Variants in CCDC85A observed in about 807,000 individuals in gnomAD.
CCDC85A encodes coiled-coil domain-containing protein 85A.
Under a neutral mutation model 50.2 loss-of-function variants are expected in CCDC85A, and 38 were observed. That is an observed-to-expected ratio of 0.76 (90% confidence interval 0.58 to 0.99). The LOEUF (loss-of-function observed/expected upper bound fraction) is 0.99, where lower values mean the gene tolerates loss of function less well. CCDC85A is among the 50% of genes least tolerant of loss of function. The probability of loss-of-function intolerance (pLI) is 0.00; values close to 1 mark genes in which losing one functional copy is unlikely to be tolerated. For missense variants in CCDC85A, 820 were observed against 742.0 expected (o/e 1.11, Z -1.22); for synonymous variants, 366 against 301.4 (o/e 1.21, Z -2.22).
At position 56,299,794 on chromosome 2, in the gene CCDC85A, C is replaced by G. The variant is rs142280037; in HGVS notation, c.1241-43085C>G. On this transcript the variant is annotated intron_variant, in intron 2 of 5. Coordinates refer to ENST00000407595, the MANE Select transcript of CCDC85A (RefSeq NM_001080433.2). ...CTAAAGTAATATTACCCATGATTCC[C>G]TGCCACTGTCCTCAGGAAATCAGCT... is the stretch of plus-strand genomic sequence containing the variant. 2.7e-3 allele frequency among the ~76,000 whole-genome samples: 418 copies of G among 152,282 alleles called. 5 individuals carry two copies. The highest frequency in any genetic ancestry group is 9.5e-3 in the African/African-American group (394 of 41,562).
At chr2:56,342,597 G>T (rs1382725748) in intron 2 of CCDC85A, among the ~76,000 whole-genome samples, 1 of 152,130 alleles carries the variant, frequency 6.6e-6, no homozygotes, top group Non-Finnish European at 1.5e-5. Flanking sequence ...TAAGAGTTCT[G>T]TATAGAATCT....
At chr2:56,241,930 A>G (rs868389365) in intron 2 of CCDC85A, among the ~76,000 whole-genome samples, 2 of 152,144 alleles carry the variant, frequency 1.3e-5, no homozygotes, top group South Asian at 2.1e-4. Flanking sequence ...GTTTGAACTA[A>G]TTTACATTCC....
intron 2 of CCDC85A, among the ~76,000 whole-genome samples, chr2:56,248,812 G>A (rs1052087604): frequency 4.6e-5 from 7 of 152,190 alleles, no homozygotes; most frequent in Non-Finnish European, 1.0e-4. Flanking sequence ...CTCATGGTGA[G>A]GAAGCCTGAA....
Position 56,248,705 on chromosome 2 carries a change from A to C in CCDC85A, c.1240+55265A>C, listed in dbSNP as rs574419064. On this transcript the variant is annotated intron_variant, in intron 2 of 5. Transcript: ENST00000407595. ...TAACAGTGGAGACAATAGTAAGTTC[A>C]TTTTTATCAAGCACTTTACGTGGCA... Among the ~76,000 whole-genome samples the C allele has an allele frequency of 6.6e-5, 10 of 152,206 alleles. No homozygotes were observed. The South Asian group carries it at 1.0e-3, about 16-fold the overall frequency.
chr2:56,292,591 T>A (rs1671765372), intron 2 of CCDC85A, among the ~76,000 whole-genome samples: 1 of 152,192 alleles, frequency 6.6e-6, no homozygotes, highest in African/African-American at 2.4e-5. Flanking sequence ...TTTTGCCTGC[T>A]TTTAGTGTTG....
chr2:56,288,884 C>G (rs975419117), intron 2 of CCDC85A, among the ~76,000 whole-genome samples: 2 of 152,176 alleles, frequency 1.3e-5, no homozygotes, highest in Non-Finnish European at 2.9e-5. Context: ...GGGGAGAAAT[C>G]ACATCTGCTC....
rs747119710 is a variant in CCDC85A, at chr2:56,225,485, A to G, written c.1240+32045A>G. On this transcript the variant is annotated intron_variant, in intron 2 of 5. Transcript: ENST00000407595. Reference sequence around the variant, plus strand: ...TATTTCTGACTCTTTATTCCATTTCATTGACCTATATGCCTCTCCTTATGC... The same window carrying G: ...TATTTCTGACTCTTTATTCCATTTCGTTGACCTATATGCCTCTCCTTATGC... Among the ~76,000 whole-genome samples the G allele has an allele frequency of 2.0e-5, 3 of 152,072 alleles. 1 individual carries two copies. The highest frequency in any genetic ancestry group is 4.4e-5 in the Non-Finnish European group (3 of 68,010).
At chr2:56,272,315 A>C (rs1484263000) in intron 2 of CCDC85A, among the ~76,000 whole-genome samples, 1 of 152,090 alleles carries the variant, frequency 6.6e-6, no homozygotes. Context: ...CATCCCACAG[A>C]GGGGGATATA....
chr2:56,292,120 TC>T lies in CCDC85A; in HGVS notation c.1241-50758del, dbSNP rs111617855. The stretch of plus-strand genomic sequence containing the variant: ...CTTTTTGAGACGGAGTCTTGCTCTG[TC>T]GCCCAGGCTGGAGTGCAGTGGCGCC... On this transcript the variant is annotated intron_variant, in intron 2 of 5. Coordinates refer to ENST00000407595, the MANE Select transcript of CCDC85A (RefSeq NM_001080433.2). 4.5e-3 allele frequency among the ~76,000 whole-genome samples: 681 copies of T among 152,298 alleles called. 4 individuals are homozygous for T. The highest frequency in any genetic ancestry group is 0.015 in the African/African-American group (628 of 41,566).
chr2:56,350,895 A>C (rs1191265679), intron 3 of CCDC85A, among the ~76,000 whole-genome samples: 2 of 149,046 alleles, frequency 1.3e-5, no homozygotes, highest in Non-Finnish European at 3.0e-5. Flanking sequence ...GTACATGTGC[A>C]CAATGTGCAG....
chr2:56,296,700 A>T (rs1188449646), intron 2 of CCDC85A, among the ~76,000 whole-genome samples: 2 of 152,206 alleles, frequency 1.3e-5, no homozygotes, highest in Non-Finnish European at 2.9e-5. Flanking sequence ...GGGAAGGAAC[A>T]GTTTACTTTG....
chr2:56,302,511 A>G (rs997174494), intron 2 of CCDC85A, among the ~76,000 whole-genome samples: 2 of 152,214 alleles, frequency 1.3e-5, no homozygotes, highest in African/African-American at 4.8e-5. Flanking sequence ...AGAAATGGGC[A>G]TGATCTCTAG....
intron 2 of CCDC85A, among the ~76,000 whole-genome samples, chr2:56,267,366 T>C (rs961083300): frequency 4.6e-5 from 7 of 152,224 alleles, no homozygotes; most frequent in Non-Finnish European, 8.8e-5. Flanking sequence ...TATGAAAAGA[T>C]TGATTAAATA....
Position 56,372,464 on chromosome 2 carries a change from C to A in CCDC85A, c.1438C>A (p.Leu480Met). 1 of 1,606,756 alleles carries A rather than the reference C, an allele frequency of 6.2e-7. No homozygotes were observed. The highest frequency in any genetic ancestry group is 1.7e-5 in the Admixed American group (1 of 59,414). ...AGGGTGCCGAGGAATAGGACGATGCCTGCCTACTCTCCCGGTGAGTGAAGA... is the reference window on the plus strand; with the variant it reads ...AGGGTGCCGAGGAATAGGACGATGCATGCCTACTCTCCCGGTGAGTGAAGA... Reference protein sequence around the residue: ...WQGCRGIGRCLPTLPGSFRLS... With the variant: ...WQGCRGIGRCMPTLPGSFRLS... The change falls in exon 4 of 6, where the codon CTG (leucine) becomes ATG (methionine). Residue 480 changes from leucine (L) to methionine (M), a missense_variant. By Grantham distance (15) the Leu-to-Met change is conservative. Coordinates refer to ENST00000407595, the MANE Select transcript of CCDC85A (RefSeq NM_001080433.2).
intron 2 of CCDC85A, among the ~76,000 whole-genome samples, chr2:56,224,995 T>A (rs921873222): frequency 1.3e-5 from 2 of 152,166 alleles, no homozygotes; most frequent in Admixed American, 1.3e-4. Flanking sequence ...AAACCATTGC[T>A]TCACCTAAGT....
intron 3 of CCDC85A, among the ~76,000 whole-genome samples, chr2:56,348,098 A>G (rs928839097): frequency 1.3e-5 from 2 of 152,238 alleles, no homozygotes; most frequent in African/African-American, 4.8e-5. Context: ...TGCATCACAA[A>G]GAGACTCGAC....
intron 2 of CCDC85A, among the ~76,000 whole-genome samples, chr2:56,278,579 T>G (rs1239520986): frequency 2.0e-5 from 3 of 152,050 alleles, no homozygotes; most frequent in African/African-American, 7.2e-5. Flanking sequence ...TTTTTATTAT[T>G]ATTATTTTTT....
At chr2:56,288,372 G>C (rs1671543525) in intron 2 of CCDC85A, among the ~76,000 whole-genome samples, 1 of 151,556 alleles carries the variant, frequency 6.6e-6, no homozygotes, top group Admixed American at 6.6e-5. Flanking sequence ...CAGAAAACCG[G>C]GAATGAATTA....
intron 2 of CCDC85A, among the ~76,000 whole-genome samples, chr2:56,201,951 G>T (rs1676764259): frequency 6.6e-6 from 1 of 152,146 alleles, no homozygotes; most frequent in African/African-American, 2.4e-5. Context: ...AAGGCCAGAT[G>T]TCAGCTAGTA....
Sources: gnomAD v4.1 joint callset for allele counts (sites outside exome capture counted in the v4.1 genomes callset) on GRCh38, gnomAD v4.1.1 for gene constraint, MANE v1.5 for transcripts, NCBI Gene and HGNC (gene_info 2026-07-23, HGNC 2026-07-21) for gene names.